The following DNAJA3 variants were observed in gnomAD, a reference collection of about 807,000 sequenced individuals.
DNAJA3 encodes DnaJ heat shock protein family (Hsp40) member A3, also known as dnaJ homolog subfamily A member 3, mitochondrial.
A neutral mutation model predicts 54.9 loss-of-function variants in DNAJA3; 29 were observed. The observed-to-expected ratio is 0.53, with a 90% CI of 0.39 to 0.72. The LOEUF is 0.72. Ranked by LOEUF, DNAJA3 falls within the 30% of genes least tolerant of loss-of-function variation. The pLI is 0.00. For missense variants in DNAJA3, 708 were observed against 639.4 expected (o/e 1.11, Z -1.16); for synonymous variants, 302 against 251.4 (o/e 1.20, Z -1.90).
At chr16:4,438,566 C>T (rs1210041380) in intron 3 of DNAJA3, among the ~76,000 whole-genome samples, 1 of 151,596 alleles carries the variant, frequency 6.6e-6, no homozygotes, top group Non-Finnish European at 1.5e-5. Context: ...TCTCTGAAAA[C>T]AGCTATTGAC....
chr16:4,442,133 G>T, intron 4 of DNAJA3, 135 bp from the exon 5 acceptor site: 1 of 875,592 alleles, frequency 1.1e-6, no homozygotes, highest in Non-Finnish European at 1.7e-6. Flanking sequence ...ATGCTTACTT[G>T]GCAGAGTGCA....
chr16:4,442,299 C>T lies in DNAJA3; in HGVS notation c.662C>T (p.Ala221Val), dbSNP rs779513177. Residue 221 changes from alanine (A) to valine (V), a missense_variant, in exon 5 of 12, where the codon GCA becomes GTA. Physicochemically the swap from Ala to Val is moderately conservative, Grantham distance 64. Coordinates refer to ENST00000262375, the MANE Select transcript of DNAJA3 (RefSeq NM_005147.6). ...YFMELTFNQA[A>V]KGVNKEFTVN... ...ATGGAGTTGACATTCAATCAAGCTG[C>T]AAAGGGGGTCAACAAGGAGTTCACC... is the stretch of plus-strand genomic sequence containing the variant. 3 of 1,602,630 alleles carry T rather than the reference C, an allele frequency of 1.9e-6. No homozygotes were observed. The highest frequency in any genetic ancestry group is 2.6e-6 in the Non-Finnish European group (3 of 1,173,820).
At position 4,425,981 on chromosome 16, in the gene DNAJA3, G is replaced by T. The variant is rs2056616378; in HGVS notation, c.100G>T (p.Val34Leu). ...GRGARPPREG[V>L]VGAWLSRKLS... ...AGGGGCCCGGCCGCCCAGGGAGGGC[G>T]TGGTGGGGGCATGGCTGAGCCGCAA... The change falls in exon 1 of 12, where the codon GTG (valine) becomes TTG (leucine). Residue 34 changes from valine (V) to leucine (L), a missense_variant. Transcript: ENST00000262375. The T allele has an allele frequency of 1.9e-6, 3 of 1,597,296 alleles. No homozygotes were observed. The highest frequency in any genetic ancestry group is 2.6e-6 in the Non-Finnish European group (3 of 1,173,204).
At chr16:4,443,558 C>A (rs1223400726) in intron 6 of DNAJA3, among the ~76,000 whole-genome samples, 1 of 152,146 alleles carries the variant, frequency 6.6e-6, no homozygotes, top group African/African-American at 2.4e-5. Flanking sequence ...TCCCACCCCT[C>A]ACTCCATGTC....
At chr16:4,447,094 C>T in intron 8 of DNAJA3, 80 bp downstream of exon 8, 1 of 1,525,898 alleles carries the variant, frequency 6.6e-7, no homozygotes. Flanking sequence ...TGACCAGTGG[C>T]CTGGAACCCA....
In DNAJA3 at chr16:4,455,887, C is replaced by A; in HGVS notation, c.*355C>A. 1 of 483,694 alleles carries A rather than the reference C, an allele frequency of 2.1e-6. No homozygotes were observed. The highest frequency in any genetic ancestry group is 3.7e-6 in the Non-Finnish European group (1 of 268,410). 30.0% of individuals were successfully genotyped at this position (483,694 alleles called of 1,614,324 possible). A position where few individuals can be genotyped will look rare whatever the true frequency, so the allele number is the denominator to read the frequency against. ...GTGGATATCTTAGTTAAAGGCCATG[C>A]TTACAGCTTAGAAATGAAGCCTTAA... On this transcript the variant is annotated 3_prime_UTR_variant, in exon 12 of 12. Transcript: ENST00000262375.
intron 7 of DNAJA3, among the ~76,000 whole-genome samples, chr16:4,446,203 G>C (rs1189933342): frequency 6.6e-6 from 1 of 150,636 alleles, no homozygotes; most frequent in African/African-American, 2.4e-5. Context: ...TTACAAGCGT[G>C]AGCCACCACG....
rs143458002 is a variant in DNAJA3, at chr16:4,442,909, A to G, written c.784-108A>G. On this transcript the variant is annotated intron_variant, in intron 5 of 11. Coordinates refer to ENST00000262375, the MANE Select transcript of DNAJA3 (RefSeq NM_005147.6). Reference sequence around the variant, plus strand: ...GCAGTGTGTTTGAGTGCACATGCACATAAAAAACAAGCCTTAAAGAGACAT... The same window carrying G: ...GCAGTGTGTTTGAGTGCACATGCACGTAAAAAACAAGCCTTAAAGAGACAT... The G allele has an allele frequency of 6.1e-6, 8 of 1,317,768 alleles. No individual in the cohort carries two copies. In the African/African-American group the frequency reaches 1.0e-4, roughly 17 times the overall value. 81.6% of individuals were successfully genotyped at this position (1,317,768 alleles called of 1,614,324 possible).
At chr16:4,452,061 C>G (rs1008919372) in intron 10 of DNAJA3, among the ~76,000 whole-genome samples, 2 of 152,056 alleles carry the variant, frequency 1.3e-5, no homozygotes, top group Admixed American at 6.6e-5. Context: ...CATAGCGAGA[C>G]TCTGTCTCAA....
chr16:4,456,036 G>A lies in DNAJA3; in HGVS notation c.*504G>A, dbSNP rs139076933. 7.3e-4 allele frequency: 125 copies of A among 170,782 alleles called. No individual in the cohort carries two copies. Among genetic ancestry groups the A allele is most frequent in the African/African-American group, 2.7e-3 (116 of 42,182 alleles). 10.6% of individuals were successfully genotyped at this position (170,782 alleles called of 1,614,324 possible). ...GGGGCCCCCAGGCCCCACCAGCACC[G>A]TCCTCCCCTAATGAGGGGCCCTGCC... On this transcript the variant is annotated 3_prime_UTR_variant, in exon 12 of 12. Transcript: ENST00000262375.
intron 6 of DNAJA3, among the ~76,000 whole-genome samples, chr16:4,444,389 G>C (rs1192704587): frequency 1.3e-5 from 2 of 150,388 alleles, no homozygotes; most frequent in Non-Finnish European, 3.0e-5. Flanking sequence ...CTGTTGCCAG[G>C]CTGGCGTGTA....
intron 2 of DNAJA3, 55 bp from the exon 3 acceptor site, chr16:4,437,347 C>A: frequency 6.9e-7 from 1 of 1,446,696 alleles, no homozygotes; most frequent in East Asian, 2.3e-5. Context: ...TTTGTTGTTT[C>A]TGGTATTTGG....
At position 4,443,081 on chromosome 16, in the gene DNAJA3, CCAT is replaced by C; in HGVS notation, c.855_857del (p.Ile286del). 1 of 1,613,852 alleles carries C rather than the reference CCAT, an allele frequency of 6.2e-7. No homozygotes were observed. The highest frequency in any genetic ancestry group is 8.5e-7 in the Non-Finnish European group (1 of 1,179,984). On this transcript the variant is annotated inframe_deletion, in exon 6 of 12. Transcript: ENST00000262375. Reference sequence around the variant, plus strand: ...TGTAGGAGATGTGGTGGCCGCGGCTCCATCATCATATCGCCCTGTGTGGTCTGC... The same window carrying C: ...TGTAGGAGATGTGGTGGCCGCGGCTCCATCATATCGCCCTGTGTGGTCTGC...
At chr16:4,438,174 G>A (rs140124714) in intron 3 of DNAJA3, among the ~76,000 whole-genome samples, 212 of 152,142 alleles carry the variant, frequency 1.4e-3, no homozygotes, top group Admixed American at 0.013. Flanking sequence ...AAAATTAGCC[G>A]GGCATGGCGG....
intron 1 of DNAJA3, chr16:4,431,499 A>T (rs983160163): frequency 1.3e-5 from 2 of 151,754 alleles, no homozygotes; most frequent in African/African-American, 4.8e-5. Context: ...CTGGCCTCCT[A>T]CTTGGATGTG....
intron 7 of DNAJA3, among the ~76,000 whole-genome samples, chr16:4,446,045 C>G (rs1246298132): frequency 6.6e-6 from 1 of 151,864 alleles, no homozygotes; most frequent in Admixed American, 6.6e-5. Flanking sequence ...CCTCAGCCTC[C>G]TGAGTAGCTG....
chr16:4,433,834 A>G (rs2056737571), intron 1 of DNAJA3: 1 of 154,220 alleles, frequency 6.5e-6, no homozygotes, highest in African/African-American at 2.4e-5. Context: ...GCCTCATCCA[A>G]TACTCTGACA....
intron 7 of DNAJA3, 91 bp downstream of exon 7, chr16:4,444,819 C>T: frequency 8.5e-7 from 1 of 1,182,048 alleles, no homozygotes; most frequent in East Asian, 2.5e-5. Flanking sequence ...CAAAGCTTCA[C>T]AGGAACATGT....
In DNAJA3 at chr16:4,426,039, C is replaced by T. The variant is rs746473797; in HGVS notation, c.158C>T (p.Thr53Ile). The change falls in exon 1 of 12, where the codon ACC becomes ATC. Residue 53 changes from threonine (T) to isoleucine (I), a missense_variant. Transcript: ENST00000262375. ...GTCCCCGCCTTTGCGTCTTCCCTGA[C>T]CTCTTGCGGCCCCCGAGCGCTGCTG... ...LSVPAFASSL[T>I]SCGPRALLTL... 8.7e-6 allele frequency: 14 copies of T among 1,605,790 alleles called. No individual in the cohort carries two copies. The Admixed American group carries it at 1.8e-4, about 21-fold the overall frequency.
Sources: gnomAD v4.1 joint callset for allele counts (sites outside exome capture counted in the v4.1 genomes callset) on GRCh38, gnomAD v4.1.1 for gene constraint, MANE v1.5 for transcripts, NCBI Gene and HGNC (gene_info 2026-07-23, HGNC 2026-07-21) for gene names.